Variants in L3MBTL4 observed in about 807,000 individuals in gnomAD.
L3MBTL4 encodes L3MBTL histone methyl-lysine binding protein 4, also known as lethal(3)malignant brain tumor-like protein 4.
A neutral mutation model predicts 84.5 loss-of-function variants in L3MBTL4; 70 were observed. The observed-to-expected ratio is 0.83, with a 90% confidence interval of 0.68 to 1.01. The LOEUF (loss-of-function observed/expected upper bound fraction) is 1.01, where lower values mean the gene tolerates loss of function less well. Ranked by LOEUF, L3MBTL4 falls within the 50% of genes least tolerant of loss-of-function variation. The pLI is 0.00. For synonymous variants in L3MBTL4, 274 were observed against 259.8 expected (o/e 1.05, Z -0.52); for missense variants, 715 against 754.8 (o/e 0.95, Z 0.62).
intron 9 of L3MBTL4, 105 bp from the exon 10 acceptor site, chr18:6,238,145 T>A: frequency 1.0e-6 from 1 of 987,610 alleles, no homozygotes; most frequent in Non-Finnish European, 1.6e-6. Context: ...CAGAAAACAG[T>A]ACTTCATAGC....
intron 1 of L3MBTL4, among the ~76,000 whole-genome samples, chr18:6,360,150 G>T (rs2053619944): frequency 6.6e-6 from 1 of 152,154 alleles, no homozygotes; most frequent in South Asian, 2.1e-4. Flanking sequence ...TGGGAAGGTA[G>T]TTTGAGGTCA....
At chr18:5,963,894 C>T (rs1010707803) in intron 17 of L3MBTL4, among the ~76,000 whole-genome samples, 1 of 152,200 alleles carries the variant, frequency 6.6e-6, no homozygotes, top group South Asian at 2.1e-4. Flanking sequence ...GGGGCATGAC[C>T]TCTGCAGAAG....
intron 10 of L3MBTL4, among the ~76,000 whole-genome samples, chr18:6,226,449 T>C (rs1249465690): frequency 6.6e-6 from 1 of 151,960 alleles, no homozygotes; most frequent in African/African-American, 2.4e-5. Flanking sequence ...CAAAAGATAA[T>C]GTCATAATCT....
chr18:6,317,996 G>T (rs896191958), intron 1 of L3MBTL4, among the ~76,000 whole-genome samples: 3 of 152,052 alleles, frequency 2.0e-5, no homozygotes, highest in Non-Finnish European at 4.4e-5. Flanking sequence ...TCTGTATCCA[G>T]CAAAACTAAA....
chr18:6,279,106 G>A (rs1295165116), intron 4 of L3MBTL4, among the ~76,000 whole-genome samples: 1 of 152,084 alleles, frequency 6.6e-6, no homozygotes, highest in Non-Finnish European at 1.5e-5. Flanking sequence ...CTGCAGCTAA[G>A]TAGCATAACC....
intron 7 of L3MBTL4, among the ~76,000 whole-genome samples, chr18:6,243,019 T>C (rs2047515459): frequency 6.6e-6 from 1 of 152,236 alleles, no homozygotes; most frequent in Non-Finnish European, 1.5e-5. Context: ...ATAAACTTTA[T>C]ATAAAATAAA....
At chr18:6,388,429 A>C (rs559467855) in intron 1 of L3MBTL4, among the ~76,000 whole-genome samples, 61 of 152,342 alleles carry the variant, frequency 4.0e-4, no homozygotes, top group Middle Eastern at 3.4e-3. Flanking sequence ...TTCAGAATAA[A>C]TTATGGTACA....
chr18:6,143,007 A>G (rs1401572967), intron 13 of L3MBTL4, among the ~76,000 whole-genome samples: 1 of 152,168 alleles, frequency 6.6e-6, no homozygotes, highest in Non-Finnish European at 1.5e-5. Flanking sequence ...ACTGCATCTC[A>G]CAATACATTA....
At chr18:6,077,187 A>T (rs1384012601) in intron 16 of L3MBTL4, among the ~76,000 whole-genome samples, 1 of 152,214 alleles carries the variant, frequency 6.6e-6, no homozygotes, top group Admixed American at 6.5e-5. Flanking sequence ...CAAAAGGCCC[A>T]AAGAATAATT....
intron 1 of L3MBTL4, among the ~76,000 whole-genome samples, chr18:6,389,570 A>G (rs1030188028): frequency 6.6e-6 from 1 of 152,236 alleles, no homozygotes; most frequent in Non-Finnish European, 1.5e-5. Context: ...TCTAACATGT[A>G]AGAATTCATC....
At chr18:6,031,093 G>A (rs1051052004) in intron 16 of L3MBTL4, 3 of 985,410 alleles carry the variant, frequency 3.0e-6, no homozygotes, top group South Asian at 4.7e-5. Context: ...ATAGGAAGCT[G>A]GGGTTTGTGA....
intron 14 of L3MBTL4, among the ~76,000 whole-genome samples, chr18:6,117,129 A>G (rs866992826): frequency 3.9e-5 from 6 of 152,354 alleles, no homozygotes; most frequent in Admixed American, 1.3e-4. Context: ...TTGTACAAAT[A>G]TAGTCAGAGA....
intron 1 of L3MBTL4, among the ~76,000 whole-genome samples, chr18:6,313,069 A>G (rs1179410496): frequency 5.3e-5 from 8 of 152,226 alleles, no homozygotes; most frequent in Admixed American, 5.2e-4. Flanking sequence ...TGTCTTTTCT[A>G]CATTGCATTT....
At chr18:6,327,126 T>A (rs1183147653) in intron 1 of L3MBTL4, among the ~76,000 whole-genome samples, 1 of 152,186 alleles carries the variant, frequency 6.6e-6, no homozygotes, top group Non-Finnish European at 1.5e-5. Context: ...TCACCAAGTG[T>A]TGAAGCGAGT....
rs2053185781 is a variant in L3MBTL4 at position 6,351,546 on chromosome 18, T to C, written c.-90-39490A>G. ...TGTATATTATACCGCAATTTTTAAATGTGGATTTTTTATTTTTTTTTTTGA... is the reference window on the plus strand; with the variant it reads ...TGTATATTATACCGCAATTTTTAAACGTGGATTTTTTATTTTTTTTTTTGA... On this transcript the variant is annotated intron_variant, in intron 1 of 18. Coordinates refer to ENST00000317931, the MANE Select transcript of L3MBTL4 (RefSeq NM_001330559.2). Among the ~76,000 whole-genome samples the C allele has an allele frequency of 4.0e-5, 6 of 151,872 alleles. 1 individual carries two copies. The South Asian group carries it at 1.3e-3, about 32-fold the overall frequency.
Position 6,208,819 on chromosome 18 carries a change from G to A in L3MBTL4, c.981+4330C>T, listed in dbSNP as rs567058287. ...GTACATCATAAACGCTTATTAGAGA[G>A]CAACCATCATAATTAATAAACCTAG... On this transcript the variant is annotated intron_variant, in intron 12 of 18. Transcript: ENST00000317931. Among the ~76,000 whole-genome samples, 5 of 152,298 alleles carry A rather than the reference G, an allele frequency of 3.3e-5. No homozygotes were observed. The South Asian group carries it at 1.0e-3, about 32-fold the overall frequency.
At chr18:5,988,678 C>T (rs934980567) in intron 16 of L3MBTL4, among the ~76,000 whole-genome samples, 3 of 152,034 alleles carry the variant, frequency 2.0e-5, no homozygotes, top group Non-Finnish European at 4.4e-5. Flanking sequence ...AAAAAAATCA[C>T]TCTTTTGACA....
rs145151913 is a variant in L3MBTL4 at position 6,357,712 on chromosome 18, C to T, written c.-90-45656G>A. On this transcript the variant is annotated intron_variant, in intron 1 of 18. Coordinates refer to ENST00000317931, the MANE Select transcript of L3MBTL4 (RefSeq NM_001330559.2). ...CAATATCATTTGAGAAAATTCAAAC[C>T]ATATGCATATACGACAGAGAATGGC... 9.8e-3 allele frequency among the ~76,000 whole-genome samples: 1,485 copies of T among 152,206 alleles called. 14 individuals carry two copies. Among genetic ancestry groups the T allele is most frequent in the South Asian group, 0.023 (111 of 4,826 alleles).
intron 16 of L3MBTL4, among the ~76,000 whole-genome samples, chr18:6,018,172 T>G (rs1272763472): frequency 1.3e-5 from 2 of 152,168 alleles, no homozygotes; most frequent in South Asian, 2.1e-4. Context: ...TGCAAGTGAT[T>G]GATCGGGCAG....
Sources: allele counts gnomAD v4.1 joint callset (sites outside exome capture counted in the v4.1 genomes callset), GRCh38; gene constraint gnomAD v4.1.1; transcripts MANE v1.5; gene names NCBI Gene and HGNC (gene_info 2026-07-23, HGNC 2026-07-21).